The following CDKL5 variants were observed in gnomAD, a reference collection of about 807,000 sequenced individuals.
CDKL5 encodes the protein cyclin dependent kinase like 5, also known as cyclin-dependent kinase-like 5.
CDKL5 carries 8 observed loss-of-function variants against 61.7 expected under a neutral mutation model. The ratio of observed to expected loss-of-function variants is 0.13; its 90% CI spans 0.08 to 0.23. The LOEUF (loss-of-function observed/expected upper bound fraction) is 0.23, where lower values mean the gene tolerates loss of function less well. CDKL5 is among the 10% of genes least tolerant of loss of function. The pLI is 1.00. For missense variants in CDKL5, 440 were observed against 734.5 expected (o/e 0.60, Z 4.63); for synonymous variants, 275 against 272.3 (o/e 1.01, Z -0.10).
chrX:18,429,023 C>T (rs1234811140), intron 1 of CDKL5, among the ~76,000 whole-genome samples: 1 of 110,173 alleles, frequency 9.1e-6, no homozygotes, highest in Non-Finnish European at 1.9e-5. Context: ...TGTAGAGCAG[C>T]GCATGGATGA....
In CDKL5 at chrX:18,458,833, A is replaced by G. The variant is rs762370109; in HGVS notation, c.-163+33138A>G. 1.3e-4 allele frequency among the ~76,000 whole-genome samples: 15 copies of G among 113,033 alleles called. No individual in the cohort carries two copies. The South Asian group carries it at 3.6e-3, about 27-fold the overall frequency. ...GGCTACTGTATTAGACAGTGCAGAT[A>G]TAGAACATTCCCATCATTGCAGAGT... On this transcript the variant is annotated intron_variant, in intron 1 of 17. Transcript: ENST00000623535.
intron 1 of CDKL5, among the ~76,000 whole-genome samples, chrX:18,473,614 T>G (rs1199763652): frequency 9.1e-6 from 1 of 110,401 alleles, no homozygotes; most frequent in East Asian, 2.9e-4. Context: ...ATGGGGAAAT[T>G]GGTGAGAGTT....
intron 3 of CDKL5, among the ~76,000 whole-genome samples, chrX:18,555,869 A>G (rs1358049508): frequency 8.9e-6 from 1 of 112,325 alleles, no homozygotes; most frequent in East Asian, 2.8e-4. Flanking sequence ...TCTTTGGTAT[A>G]GATTTTTTGT....
chrX:18,558,225 C>T (rs1284662107), intron 3 of CDKL5, among the ~76,000 whole-genome samples: 2 of 111,502 alleles, frequency 1.8e-5, no homozygotes, highest in Non-Finnish European at 3.8e-5. Context: ...CTTAAGATGT[C>T]GGCTTTTAAA....
At chrX:18,617,435 CAG>C (rs891577258) in intron 15 of CDKL5, among the ~76,000 whole-genome samples, 1 of 112,229 alleles carries the variant, frequency 8.9e-6, no homozygotes, top group African/African-American at 3.2e-5. Flanking sequence ...GGTGGAATCA[CAG>C]GGGCCAGAAT....
intron 1 of CDKL5, among the ~76,000 whole-genome samples, chrX:18,485,381 G>A (rs1007240345): frequency 1.8e-5 from 2 of 111,453 alleles, no homozygotes; most frequent in African/African-American, 6.5e-5. Flanking sequence ...CCTCCATGGT[G>A]ATTTTTCTGA....
At chrX:18,496,770 C>T (rs1470052282) in intron 1 of CDKL5, among the ~76,000 whole-genome samples, 1 of 111,113 alleles carries the variant, frequency 9.0e-6, no homozygotes, top group Non-Finnish European at 1.9e-5. Flanking sequence ...GTTTGTAGGG[C>T]GTGACTTAAC....
intron 14 of CDKL5, among the ~76,000 whole-genome samples, chrX:18,609,788 C>G (rs1202255239): frequency 2.9e-4 from 32 of 111,475 alleles, no homozygotes; most frequent in Non-Finnish European, 3.8e-5. Flanking sequence ...CCAAGGTACC[C>G]ATCAATATAG....
At chrX:18,521,679 A>G (rs1923248737) in intron 3 of CDKL5, among the ~76,000 whole-genome samples, 1 of 112,397 alleles carries the variant, frequency 8.9e-6, no homozygotes, top group Non-Finnish European at 1.9e-5. Context: ...TGTACCCATT[A>G]AGTAATTTCT....
chrX:18,631,066 T>C lies in CDKL5; in HGVS notation c.*2309T>C. 1 of 752,880 alleles carries C rather than the reference T, an allele frequency of 1.3e-6. No individual in the cohort carries two copies. Among genetic ancestry groups the C allele is most frequent in the Non-Finnish European group, 1.6e-6 (1 of 638,994 alleles). The allele number at this position is 752,880 out of a possible 1,213,427, so 62.0% of individuals were successfully genotyped here. On this transcript the variant is annotated 3_prime_UTR_variant, in exon 18 of 18. Coordinates refer to ENST00000623535, the MANE Select transcript of CDKL5 (RefSeq NM_001323289.2). ...ACGGTCCCGTTGCCATGCTGTGGCATTCGAGGCTCGTCACCTAGGGGCTGG... is the reference window on the plus strand; with the variant it reads ...ACGGTCCCGTTGCCATGCTGTGGCACTCGAGGCTCGTCACCTAGGGGCTGG...
At chrX:18,489,330 T>C (rs1050400132) in intron 1 of CDKL5, among the ~76,000 whole-genome samples, 2 of 110,056 alleles carry the variant, frequency 1.8e-5, no homozygotes, top group African/African-American at 6.6e-5. Flanking sequence ...CCGGCAAGTT[T>C]TTGTATTTTT....
chrX:18,572,980 C>T (rs1925182793), intron 4 of CDKL5, among the ~76,000 whole-genome samples: 1 of 111,866 alleles, frequency 8.9e-6, no homozygotes, highest in Non-Finnish European at 1.9e-5. Flanking sequence ...TGGAGGCCTA[C>T]TTGCTTTTGT....
intron 1 of CDKL5, among the ~76,000 whole-genome samples, chrX:18,450,125 G>A (rs1160107448): frequency 2.7e-5 from 3 of 111,664 alleles, no homozygotes; most frequent in African/African-American, 9.8e-5. Flanking sequence ...ATAAGCAGAT[G>A]CTGCCAAATG....
chrX:18,507,031 C>G lies in CDKL5; in HGVS notation c.-66C>G, dbSNP rs1922600894. ...TCAGACGGTTTTGGATCTTACTGCA[C>G]AGCTTTCTGAGAAGTTCTTTTGGTG... On this transcript the variant is annotated 5_prime_UTR_variant, in exon 2 of 18. Coordinates refer to ENST00000623535, the MANE Select transcript of CDKL5 (RefSeq NM_001323289.2). 2 of 842,918 alleles carry G rather than the reference C, an allele frequency of 2.4e-6. No individual in the cohort carries two copies. Among genetic ancestry groups the G allele is most frequent in the South Asian group, 2.0e-5 (1 of 49,244 alleles). 69.5% of individuals were successfully genotyped at this position (842,918 alleles called of 1,213,427 possible).
chrX:18,522,469 T>C (rs1923284304), intron 3 of CDKL5, among the ~76,000 whole-genome samples: 1 of 103,148 alleles, frequency 9.7e-6, no homozygotes, highest in Non-Finnish European at 2.0e-5. Flanking sequence ...CTCAGCCTCC[T>C]GAGTAGCTGG....
chrX:18,532,355 C>T (rs1923677233), intron 3 of CDKL5, among the ~76,000 whole-genome samples: 1 of 109,688 alleles, frequency 9.1e-6, no homozygotes, highest in African/African-American at 3.3e-5. Flanking sequence ...ATTTTGATTT[C>T]CTTTTCTCCC....
chrX:18,552,883 G>C (rs1030197472), intron 3 of CDKL5, among the ~76,000 whole-genome samples: 2 of 111,542 alleles, frequency 1.8e-5, no homozygotes, highest in African/African-American at 6.5e-5. Flanking sequence ...TACCTGGCCT[G>C]CCATGTGGAG....
chrX:18,590,504 C>T (rs1307219124), intron 9 of CDKL5, among the ~76,000 whole-genome samples: 1 of 112,056 alleles, frequency 8.9e-6, no homozygotes, highest in Non-Finnish European at 1.9e-5. Context: ...ACCTGAGTGC[C>T]CAACCGTCCA....
chrX:18,544,049 C>CT (rs1267636184), intron 3 of CDKL5, among the ~76,000 whole-genome samples: 1 of 112,023 alleles, frequency 8.9e-6, no homozygotes, highest in Non-Finnish European at 1.9e-5. Context: ...ACTCTCCAGG[C>CT]TATGGTGCTT....
Sources: allele counts gnomAD v4.1 joint callset (sites outside exome capture counted in the v4.1 genomes callset), GRCh38; gene constraint gnomAD v4.1.1; transcripts MANE v1.5; gene names NCBI Gene and HGNC (gene_info 2026-07-23, HGNC 2026-07-21).